VWA7: variants seen among roughly 807,000 people sequenced by gnomAD.
The protein encoded by VWA7 is von Willebrand factor A domain containing 7.
Under a neutral mutation model 83.1 loss-of-function variants are expected in VWA7, and 66 were observed. That is an observed-to-expected ratio of 0.79 (90% CI 0.65 to 0.98). The LOEUF (loss-of-function observed/expected upper bound fraction) is 0.98. Ranked by LOEUF, VWA7 falls within the 50% of genes least tolerant of loss-of-function variation. The pLI, the probability that VWA7 is intolerant of heterozygous loss-of-function variation, is 0.00. For missense variants in VWA7, 1,080 were observed against 1,160.2 expected (o/e 0.93, Z 1.00); for synonymous variants, 424 against 488.5 (o/e 0.87, Z 1.74).
Position 31,767,413 on chromosome 6 carries a change from T to C in VWA7, c.1738A>G (p.Thr580Ala), listed in dbSNP as rs374101101. 69 of 1,613,002 alleles carry C rather than the reference T, an allele frequency of 4.3e-5. No individual in the cohort carries two copies. In the South Asian group the frequency reaches 5.8e-4, roughly 14 times the overall value. ...TCAGCTGTGACCTGGATCTCCCAGGTTCCTGTCTGTGGAGGGTCATCCATG... is the reference window on the plus strand; with the variant it reads ...TCAGCTGTGACCTGGATCTCCCAGGCTCCTGTCTGTGGAGGGTCATCCATG... ...VTMDDPPQTG[T>A]WEIQVTAEDT... The change falls in exon 12 of 17, where the codon ACC becomes GCC. Residue 580 changes from threonine (T) to alanine (A), a missense_variant. By Grantham distance (58) the Thr-to-Ala change is moderately conservative. Transcript: ENST00000375688.
In VWA7 at chr6:31,766,260, G is replaced by T. The variant is rs767191143; in HGVS notation, c.2309C>A (p.Thr770Asn). 4.3e-6 allele frequency: 7 copies of T among 1,612,474 alleles called. No individual in the cohort carries two copies. The East Asian group carries it at 1.1e-4, about 26-fold the overall frequency. Reference sequence around the variant, plus strand: ...TGAGCCTCACCTGGAGAGGTTGGAGGTGAGGGAGAAGCTGGGGTTGACGAA... The same window carrying T: ...TGAGCCTCACCTGGAGAGGTTGGAGTTGAGGGAGAAGCTGGGGTTGACGAA... ...RTFVNPSFSL[T>N]SNLSRAHLEL... is the part of the protein sequence containing the mutation. The change falls in exon 15 of 17, where the codon ACC becomes AAC. Residue 770 changes from threonine to asparagine, a missense_variant. Transcript: ENST00000375688. The surrounding 1 kb of genome is among the most constrained non-coding windows in gnomAD (Gnocchi z 4.9).
At chr6:31,770,414 G>T (rs1444310826) in intron 7 of VWA7, among the ~76,000 whole-genome samples, 1 of 150,950 alleles carries the variant, frequency 6.6e-6, no homozygotes, top group African/African-American at 2.4e-5. Flanking sequence ...GGTGATGCAT[G>T]CCCGTAGCCT....
In VWA7 at chr6:31,771,026, A is replaced by G. The variant is rs200555756; in HGVS notation, c.1088-913T>C. On this transcript the variant is annotated intron_variant, in intron 7 of 16. Coordinates refer to ENST00000375688, the MANE Select transcript of VWA7 (RefSeq NM_025258.3). ...CTCTCTCTCTCAAAAAAAAAAAAAA[A>G]GAAAGAAAAGAAAAAAAAAAACTGG... 5.0e-3 allele frequency among the ~76,000 whole-genome samples: 736 copies of G among 145,962 alleles called. 6 individuals are homozygous for G. Among genetic ancestry groups the G allele is most frequent in the Middle Eastern group, 0.025 (7 of 280 alleles).
chr6:31,766,807 G>T lies in VWA7; in HGVS notation c.1883-43C>A, dbSNP rs750279415. 2 of 1,553,862 alleles carry T rather than the reference G, an allele frequency of 1.3e-6. No homozygotes were observed. The highest frequency in any genetic ancestry group is 1.7e-6 in the Non-Finnish European group (2 of 1,146,222). On this transcript the variant is annotated intron_variant, in intron 13 of 16. Transcript: ENST00000375688. This position sits in a 1 kb window ranked among gnomAD's most constrained non-coding sequence, Gnocchi z 4.9. ...AGGGGAGAACATTGTGAGATTCGGAGACACAGGGAGAAAAGAATTAATGGC... is the reference window on the plus strand; with the variant it reads ...AGGGGAGAACATTGTGAGATTCGGATACACAGGGAGAAAAGAATTAATGGC...
chr6:31,772,385 CA>C (rs1217586087), intron 7 of VWA7, among the ~76,000 whole-genome samples: 6 of 151,870 alleles, frequency 4.0e-5, no homozygotes, highest in Admixed American at 6.6e-5. Flanking sequence ...ATCCTGGGCT[CA>C]AACGATCCAC....
chr6:31,773,180 G>C lies in VWA7; in HGVS notation c.918-57C>G. On this transcript the variant is annotated intron_variant, in intron 6 of 16. Transcript: ENST00000375688. This position sits in a 1 kb window ranked among gnomAD's most constrained non-coding sequence, Gnocchi z 5.3. Reference sequence around the variant, plus strand: ...CCTGCACGTTTGTCCCCAGCGCCTGGTTTCTCCCTTCCCGCAGGAGCGCCT... The same window carrying C: ...CCTGCACGTTTGTCCCCAGCGCCTGCTTTCTCCCTTCCCGCAGGAGCGCCT... 2 of 1,592,756 alleles carry C rather than the reference G, an allele frequency of 1.3e-6. No homozygotes were observed. The highest frequency in any genetic ancestry group is 2.3e-5 in the South Asian group (2 of 88,268).
chr6:31,767,784 G>T, intron 10 of VWA7, 30 bp from the exon 11 acceptor site: 1 of 1,590,700 alleles, frequency 6.3e-7, no homozygotes, highest in Non-Finnish European at 8.6e-7. Context: ...CAGAAAATGG[G>T]GAAGAAGATG....
At chr6:31,768,208 G>C (rs1348472960) in intron 10 of VWA7, among the ~76,000 whole-genome samples, 1 of 151,642 alleles carries the variant, frequency 6.6e-6, no homozygotes, top group African/African-American at 2.4e-5. Context: ...CAGGCAGAAA[G>C]GGATACCAGT....
At chr6:31,774,329 G>A (rs1009345949) in intron 5 of VWA7, among the ~76,000 whole-genome samples, 187 bp downstream of exon 5, 3 of 151,994 alleles carry the variant, frequency 2.0e-5, no homozygotes, top group African/African-American at 7.2e-5. Flanking sequence ...AGCGGAGGAA[G>A]AAGTTGCTCC....
Position 31,769,174 on chromosome 6 carries a change from T to A in VWA7, c.1347A>T (p.Ser449=). The A allele has an allele frequency of 6.2e-7, 1 of 1,612,812 alleles. No homozygotes were observed. The highest frequency in any genetic ancestry group is 8.5e-7 in the Non-Finnish European group (1 of 1,179,930). Reference sequence around the variant, plus strand: ...CACGCCGAGCTCGACCCTGAACCCTTGATGTATCTTCAGTCACCAGGAATG... The same window carrying A: ...CACGCCGAGCTCGACCCTGAACCCTAGATGTATCTTCAGTCACCAGGAATG... ...RVTFLVTEDT[S]RVQGRARREI... Residue 449 remains serine, a synonymous_variant, in exon 10 of 17, where the codon TCA becomes TCT. Transcript: ENST00000375688. The surrounding 1 kb of genome is among the most constrained non-coding windows in gnomAD (Gnocchi z 4.5).
chr6:31,766,807 G>C lies in VWA7; in HGVS notation c.1883-43C>G. ...AGGGGAGAACATTGTGAGATTCGGA[G>C]ACACAGGGAGAAAAGAATTAATGGC... On this transcript the variant is annotated intron_variant, in intron 13 of 16. Coordinates refer to ENST00000375688, the MANE Select transcript of VWA7 (RefSeq NM_025258.3). The surrounding 1 kb of genome is among the most constrained non-coding windows in gnomAD (Gnocchi z 4.9). 6.4e-7 allele frequency: 1 copy of C among 1,553,980 alleles called. No homozygotes were observed. The highest frequency in any genetic ancestry group is 8.7e-7 in the Non-Finnish European group (1 of 1,146,214).
chr6:31,770,021 T>A lies in VWA7; in HGVS notation c.1180A>T (p.Met394Leu). 1 of 1,612,706 alleles carries A rather than the reference T, an allele frequency of 6.2e-7. No homozygotes were observed. The highest frequency in any genetic ancestry group is 8.5e-7 in the Non-Finnish European group (1 of 1,179,946). ...CAGACCTGCAGGGCTGACAGGCACATCTCAGGCTCGTCTCCACCCCCCAAG... is the reference window on the plus strand; with the variant it reads ...CAGACCTGCAGGGCTGACAGGCACAACTCAGGCTCGTCTCCACCCCCCAAG... ...HALGGGDEPE[M>L]CLSALQLALL... is the part of the protein sequence containing the mutation. The change falls in exon 8 of 17, where the codon ATG becomes TTG. Residue 394 changes from methionine to leucine, a missense_variant. Physicochemically the swap from Met to Leu is conservative, Grantham distance 15. Transcript: ENST00000375688.
In VWA7 at chr6:31,769,271, C is replaced by T; in HGVS notation, c.1318-68G>A. On this transcript the variant is annotated intron_variant, in intron 9 of 16. Coordinates refer to ENST00000375688, the MANE Select transcript of VWA7 (RefSeq NM_025258.3). The surrounding 1 kb of genome is among the most constrained non-coding windows in gnomAD (Gnocchi z 4.5). Reference sequence around the variant, plus strand: ...CATCCACTATTATGAATGAGAATCCCTGTGCTCAAGCTTTCTCCAGAGCTG... The same window carrying T: ...CATCCACTATTATGAATGAGAATCCTTGTGCTCAAGCTTTCTCCAGAGCTG... The T allele has an allele frequency of 6.5e-7, 1 of 1,539,330 alleles. No homozygotes were observed. The highest frequency in any genetic ancestry group is 8.8e-7 in the Non-Finnish European group (1 of 1,138,530).
chr6:31,769,975 A>C lies in VWA7; in HGVS notation c.1200+26T>G. The C allele has an allele frequency of 6.2e-7, 1 of 1,609,054 alleles. No homozygotes were observed. The highest frequency in any genetic ancestry group is 8.5e-7 in the Non-Finnish European group (1 of 1,176,676). ...GCTCCCCCTGGTGGTGGGGCCAGGA[A>C]ACGGGGAAGAAGGGAGGGGCCAGAC... On this transcript the variant is annotated intron_variant, in intron 8 of 16. Transcript: ENST00000375688. The surrounding 1 kb of genome is among the most constrained non-coding windows in gnomAD (Gnocchi z 4.5).
At chr6:31,774,704 G>T in intron 4 of VWA7, 78 bp from the exon 5 acceptor site, 1 of 1,230,814 alleles carries the variant, frequency 8.1e-7, no homozygotes, top group Non-Finnish European at 1.1e-6. Flanking sequence ...AACCTTTTCA[G>T]CTTCTCCTCC....
Position 31,767,226 on chromosome 6 carries a change from A to G in VWA7, c.1814T>C (p.Phe605Ser). ...VQAQTSLDFL[F>S]HFGIPMEDGP... ...ATCCTCCATGGGGATCCCAAAGTGG[A>G]AGAGGAAGTCCAGGGAGGTCTGGGC... The change falls in exon 13 of 17, where the codon TTC becomes TCC. Residue 605 changes from phenylalanine to serine, a missense_variant. By Grantham distance (155) the Phe-to-Ser change is radical (BLOSUM62 -2). Transcript: ENST00000375688. The G allele has an allele frequency of 1.2e-6, 2 of 1,606,874 alleles. No individual in the cohort carries two copies. The highest frequency in any genetic ancestry group is 1.1e-5 in the South Asian group (1 of 89,826).
At position 31,766,687 on chromosome 6, in the gene VWA7, A is replaced by G; in HGVS notation, c.1960T>C (p.Ser654Pro). 1 of 1,612,732 alleles carries G rather than the reference A, an allele frequency of 6.2e-7. No homozygotes were observed. The highest frequency in any genetic ancestry group is 8.5e-7 in the Non-Finnish European group (1 of 1,179,738). The change falls in exon 14 of 17, where the codon TCC becomes CCC. Residue 654 changes from serine (S) to proline (P), a missense_variant. Coordinates refer to ENST00000375688, the MANE Select transcript of VWA7 (RefSeq NM_025258.3). This position sits in a 1 kb window ranked among gnomAD's most constrained non-coding sequence, Gnocchi z 4.9. Reference sequence around the variant, plus strand: ...GGGACCCCTCGAAGGATGACGTGGGAGAAATGCGGCTGAGGATCCCCAGGA... The same window carrying G: ...GGGACCCCTCGAAGGATGACGTGGGGGAAATGCGGCTGAGGATCCCCAGGA... ...ANPGDPQPHF[S>P]HVILRGVPEG... is the part of the protein sequence containing the mutation.
intron 7 of VWA7, among the ~76,000 whole-genome samples, chr6:31,771,083 C>T (rs1812141555): frequency 6.6e-6 from 1 of 150,550 alleles, no homozygotes; most frequent in Non-Finnish European, 1.5e-5. Context: ...CCGAATAGCA[C>T]TTACCTCAGA....
In VWA7 at chr6:31,774,086, G is replaced by A. The variant is rs565162405; in HGVS notation, c.721+430C>T. Among the ~76,000 whole-genome samples the A allele has an allele frequency of 1.8e-3, 276 of 150,480 alleles. 5 individuals carry two copies. The South Asian group carries it at 0.053, about 29-fold the overall frequency. ...GGAGAATCGCTTGAACCTGGGAGGCGGAGGTTGCAGTGAGCCGAGATCGTG... is the reference window on the plus strand; with the variant it reads ...GGAGAATCGCTTGAACCTGGGAGGCAGAGGTTGCAGTGAGCCGAGATCGTG... On this transcript the variant is annotated intron_variant, in intron 5 of 16. Transcript: ENST00000375688.
Sources: allele counts gnomAD v4.1 joint callset (sites outside exome capture counted in the v4.1 genomes callset), GRCh38; gene constraint gnomAD v4.1.1; non-coding constraint Gnocchi (gnomAD v3.1); transcripts MANE v1.5; gene names NCBI Gene and HGNC (gene_info 2026-07-23, HGNC 2026-07-21).